The following ELOVL6 variants were observed in gnomAD, a reference collection of about 807,000 sequenced individuals.
ELOVL6 encodes the protein very long chain fatty acid elongase 6.
Under a neutral mutation model 31.7 loss-of-function variants are expected in ELOVL6, and 8 were observed. The observed-to-expected ratio is 0.25, with a 90% CI of 0.15 to 0.45. The LOEUF (loss-of-function observed/expected upper bound fraction) is 0.45. Among genes scored for constraint, ELOVL6 ranks in the 20% least tolerant of loss-of-function variants. The pLI, the probability that ELOVL6 is intolerant of heterozygous loss-of-function variation, is 1.00. For missense variants in ELOVL6, 126 were observed against 326.4 expected (o/e 0.39, Z 4.73); for synonymous variants, 101 against 117.7 (o/e 0.86, Z 0.92).
chr4:110,189,517 G>A (rs1759545437), intron 1 of ELOVL6, among the ~76,000 whole-genome samples: 1 of 147,070 alleles, frequency 6.8e-6, no homozygotes, highest in African/African-American at 2.5e-5. Flanking sequence ...AACCCAGAAG[G>A]TGGGAGTTGC....
At chr4:110,176,716 A>G (rs1182317038) in intron 1 of ELOVL6, among the ~76,000 whole-genome samples, 3 of 152,308 alleles carry the variant, frequency 2.0e-5, no homozygotes, top group Admixed American at 1.3e-4. Flanking sequence ...AAGCCTCTCA[A>G]GGCGATCACT....
At chr4:110,182,551 G>A (rs1759317882) in intron 1 of ELOVL6, among the ~76,000 whole-genome samples, 1 of 152,050 alleles carries the variant, frequency 6.6e-6, no homozygotes, top group South Asian at 2.1e-4. Flanking sequence ...GTGAAAATAA[G>A]ACCACATGGA....
chr4:110,106,298 G>A (rs1257609894), intron 1 of ELOVL6, among the ~76,000 whole-genome samples: 1 of 152,188 alleles, frequency 6.6e-6, no homozygotes. Context: ...AGGTTGCAAT[G>A]AGCTGAGATT....
intron 2 of ELOVL6, among the ~76,000 whole-genome samples, chr4:110,097,062 C>A (rs1246899590): frequency 3.9e-5 from 6 of 152,044 alleles, no homozygotes; most frequent in African/African-American, 4.8e-5. Flanking sequence ...AATCTCAGCA[C>A]TTTGGGAGGC....
intron 1 of ELOVL6, among the ~76,000 whole-genome samples, chr4:110,141,652 T>A (rs922361475): frequency 1.3e-5 from 2 of 149,194 alleles, no homozygotes; most frequent in Non-Finnish European, 3.0e-5. Flanking sequence ...TATTGTATTG[T>A]ATTAGTATAT....
intron 1 of ELOVL6, among the ~76,000 whole-genome samples, chr4:110,143,630 C>T (rs1758026190): frequency 7.0e-6 from 1 of 142,126 alleles, no homozygotes; most frequent in Admixed American, 6.7e-5. Flanking sequence ...TAAAAAGGAA[C>T]CTACACTTAA....
Position 110,140,983 on chromosome 4 carries a change from G to A in ELOVL6, c.90-35355C>T, listed in dbSNP as rs184197587. ...AGGCCTCACAATCACGGCAGCTTACGGGATTGTTGAGAAATGACACTTCTC... is the reference window on the plus strand; with the variant it reads ...AGGCCTCACAATCACGGCAGCTTACAGGATTGTTGAGAAATGACACTTCTC... On this transcript the variant is annotated intron_variant, in intron 1 of 3. Transcript: ENST00000302274. Among the ~76,000 whole-genome samples, 6 of 152,144 alleles carry A rather than the reference G, an allele frequency of 3.9e-5. No homozygotes were observed. In the East Asian group the frequency reaches 7.7e-4, roughly 20 times the overall value.
intron 1 of ELOVL6, among the ~76,000 whole-genome samples, chr4:110,120,798 CTTTTTTTTTTTT>C (rs1008949209): frequency 3.4e-5 from 4 of 117,862 alleles, no homozygotes; most frequent in East Asian, 2.5e-4. Context: ...TTTTTCTTTT[CTTTTTTTTTTTT>C]TTTTTTTTGA....
intron 1 of ELOVL6, among the ~76,000 whole-genome samples, chr4:110,153,948 G>GT (rs1471147576): frequency 6.6e-6 from 1 of 152,108 alleles, no homozygotes; most frequent in Non-Finnish European, 1.5e-5. Context: ...GAAACAGGAA[G>GT]TTTTTTTCTC....
intron 2 of ELOVL6, among the ~76,000 whole-genome samples, chr4:110,084,075 G>GATATATATGATATTTA (rs1243873061): frequency 1.5e-4 from 8 of 54,856 alleles, no homozygotes; most frequent in Admixed American, 6.2e-4. Context: ...ACATATATAT[G>GATATATATGATATTTA]CTATATATGA....
chr4:110,151,977 C>T (rs1758291765), intron 1 of ELOVL6, among the ~76,000 whole-genome samples: 1 of 152,106 alleles, frequency 6.6e-6, no homozygotes, highest in South Asian at 2.1e-4. Flanking sequence ...CTAAAAAGTC[C>T]TTATCTGAAA....
intron 2 of ELOVL6, among the ~76,000 whole-genome samples, chr4:110,078,942 A>G (rs1325856250): frequency 3.9e-5 from 6 of 152,340 alleles, no homozygotes; most frequent in African/African-American, 1.4e-4. Context: ...TTGCAATCCT[A>G]GTCTCTGATA....
At chr4:110,063,379 C>G (rs1481808291) in intron 2 of ELOVL6, among the ~76,000 whole-genome samples, 3 of 151,426 alleles carry the variant, frequency 2.0e-5, no homozygotes, top group African/African-American at 7.4e-5. Flanking sequence ...TCTTTTGGAG[C>G]AGTCGAAGTT....
intron 1 of ELOVL6, among the ~76,000 whole-genome samples, chr4:110,144,316 T>C (rs1014661776): frequency 2.6e-5 from 4 of 152,156 alleles, no homozygotes; most frequent in Admixed American, 2.0e-4. Context: ...TGGAGAGCCA[T>C]AGGGAGTAGC....
chr4:110,094,445 T>TA (rs1234897368), intron 2 of ELOVL6, among the ~76,000 whole-genome samples: 4,859 of 46,640 alleles, frequency 0.1, 216 homozygotes, highest in Admixed American at 0.15. Context: ...ATATATATAA[T>TA]ATATATAACA....
In ELOVL6 at chr4:110,068,827, G is replaced by A. The variant is rs374353952; in HGVS notation, c.222-9073C>T. 2.6e-5 allele frequency among the ~76,000 whole-genome samples: 4 copies of A among 152,234 alleles called. No individual in the cohort carries two copies. The East Asian group carries it at 5.8e-4, about 22-fold the overall frequency. The stretch of plus-strand genomic sequence containing the variant: ...TGATAAAAACCACCTGGCAGAGTGA[G>A]GCGTGAGGAGGGGTGGAGAGATTAT... On this transcript the variant is annotated intron_variant, in intron 2 of 3. Transcript: ENST00000302274.
At chr4:110,190,111 C>G (rs985527794) in intron 1 of ELOVL6, among the ~76,000 whole-genome samples, 2 of 151,418 alleles carry the variant, frequency 1.3e-5, no homozygotes, top group Non-Finnish European at 2.9e-5. Flanking sequence ...AAAAAAAAAA[C>G]TGAAATATGA....
chr4:110,084,883 G>C (rs1312531894), intron 2 of ELOVL6, among the ~76,000 whole-genome samples: 1 of 151,718 alleles, frequency 6.6e-6, no homozygotes, highest in African/African-American at 2.4e-5. Flanking sequence ...GTGAGCCACC[G>C]TGCCCGGCGT....
chr4:110,118,005 C>A (rs1757238048), intron 1 of ELOVL6: 2 of 129,154 alleles, frequency 1.5e-5, no homozygotes, highest in Non-Finnish European at 3.2e-5. Context: ...ATCGCCCAGG[C>A]TGGAGTGCAG....
Sources: allele counts gnomAD v4.1 joint callset (sites outside exome capture counted in the v4.1 genomes callset), GRCh38; gene constraint gnomAD v4.1.1; transcripts MANE v1.5; gene names NCBI Gene and HGNC (gene_info 2026-07-23, HGNC 2026-07-21).